Variants in CCDC102B observed in about 807,000 individuals in gnomAD.
CCDC102B encodes coiled-coil domain containing 102B, also known as coiled-coil domain-containing protein 102B.
CCDC102B carries 75 observed loss-of-function variants against 57.4 expected under a neutral mutation model. The ratio of observed to expected loss-of-function variants is 1.31; its 90% CI spans 1.08 to 1.58. The LOEUF is 1.58. CCDC102B is among the 40% of genes most tolerant of loss of function. The probability of loss-of-function intolerance (pLI) is 0.00; values close to 1 mark genes in which losing one functional copy is unlikely to be tolerated. For missense variants in CCDC102B, 636 were observed against 582.6 expected, an observed-to-expected ratio of 1.09 and a Z score of -0.94; for synonymous variants, 206 against 201.9, an observed-to-expected ratio of 1.02 and a Z score of -0.17.
At position 68,835,802 on chromosome 18, in the gene CCDC102B, C is replaced by T. The variant is rs561201530; in HGVS notation, c.-15-947C>T. Among the ~76,000 whole-genome samples, 6 of 152,276 alleles carry T rather than the reference C, an allele frequency of 3.9e-5. No individual in the cohort carries two copies. In the East Asian group the frequency reaches 1.2e-3, roughly 29 times the overall value. ...CTTCTTCCAGAACTATGTCCTTATT[C>T]AAACACACGGAAGGCAGAGGAAAGA... On this transcript the variant is annotated intron_variant, in intron 1 of 7. Transcript: ENST00000360242.
chr18:68,813,929 A>G (rs2036375710), intron 1 of CCDC102B, among the ~76,000 whole-genome samples: 1 of 152,040 alleles, frequency 6.6e-6, no homozygotes, highest in Admixed American at 6.5e-5. Context: ...AAAAATTTTT[A>G]TAAGTTAAAA....
At chr18:68,971,852 TATTATATCAATTGA>T (rs1012718567) in intron 6 of CCDC102B, among the ~76,000 whole-genome samples, 1 of 152,166 alleles carries the variant, frequency 6.6e-6, no homozygotes, top group Non-Finnish European at 1.5e-5. Context: ...TTAAAATACA[TATTATATCAATTGA>T]ATCTATCAGA....
chr18:68,907,508 C>T (rs1391182331), intron 6 of CCDC102B, among the ~76,000 whole-genome samples: 2 of 151,958 alleles, frequency 1.3e-5, no homozygotes, highest in Non-Finnish European at 2.9e-5. Context: ...AGTCTTTAAC[C>T]TCCTTGGTTG....
chr18:68,873,492 A>T (rs1368808540), intron 4 of CCDC102B, among the ~76,000 whole-genome samples: 1 of 152,152 alleles, frequency 6.6e-6, no homozygotes, highest in Non-Finnish European at 1.5e-5. Context: ...TTTGGCAAGA[A>T]CTTTCTTAAA....
At chr18:68,976,990 G>A (rs541143621) in intron 6 of CCDC102B, among the ~76,000 whole-genome samples, 113 of 151,972 alleles carry the variant, frequency 7.4e-4, no homozygotes, top group African/African-American at 2.6e-3. Context: ...TATGCATATC[G>A]TCTTTTAAAA....
intron 4 of CCDC102B, among the ~76,000 whole-genome samples, chr18:68,858,606 G>C (rs78898446): frequency 0.021 from 3,225 of 152,212 alleles, 55 homozygotes; most frequent in Middle Eastern, 0.034. Flanking sequence ...AAAAGTACTG[G>C]AGGATGTTAG....
chr18:68,928,311 G>A (rs2041548124), intron 6 of CCDC102B, among the ~76,000 whole-genome samples: 1 of 151,862 alleles, frequency 6.6e-6, no homozygotes, highest in Non-Finnish European at 1.5e-5. Flanking sequence ...AATCTTATGG[G>A]AAGGCAAAAG....
chr18:68,794,946 A>C (rs1301998324), upstream of CCDC102B, among the ~76,000 whole-genome samples: 5 of 151,784 alleles, frequency 3.3e-5, no homozygotes, highest in African/African-American at 9.7e-5. Context: ...AAGAGCCTTC[A>C]CATGAGAAAG....
chr18:68,838,364 G>T lies in CCDC102B; in HGVS notation c.607-342G>T, dbSNP rs1449503062. 3.1e-6 allele frequency: 3 copies of T among 962,828 alleles called. No individual in the cohort carries two copies. The African/African-American group carries it at 5.3e-5, about 17-fold the overall frequency. 59.6% of individuals were successfully genotyped at this position (962,828 alleles called of 1,614,324 possible). Reference sequence around the variant, plus strand: ...AAACTGTAAGTGTCTTATGACAAAAGAAACTTGAAAGAGGAATTCATCAAC... The same window carrying T: ...AAACTGTAAGTGTCTTATGACAAAATAAACTTGAAAGAGGAATTCATCAAC... On this transcript the variant is annotated intron_variant, in intron 2 of 7. Coordinates refer to ENST00000360242, the MANE Select transcript of CCDC102B (RefSeq NM_024781.3).
At chr18:68,826,354 G>A (rs969385405) in intron 1 of CCDC102B, among the ~76,000 whole-genome samples, 4 of 149,412 alleles carry the variant, frequency 2.7e-5, no homozygotes, top group African/African-American at 1.0e-4. Context: ...GTGGCCAGAA[G>A]CCTTCCTCAT....
At chr18:68,733,104 A>G (rs2032958361) in intron 2 of CCDC102B, among the ~76,000 whole-genome samples, 1 of 152,100 alleles carries the variant, frequency 6.6e-6, no homozygotes, top group South Asian at 2.1e-4. Context: ...TCTGAACTAA[A>G]ACAGCTCAGA....
chr18:68,835,988 AAC>A (rs1383498206), intron 1 of CCDC102B, among the ~76,000 whole-genome samples: 1 of 152,216 alleles, frequency 6.6e-6, no homozygotes, highest in African/African-American at 2.4e-5. Flanking sequence ...ACTATGATTC[AAC>A]CTCTGGGACT....
rs773010187 is a variant in CCDC102B at position 68,756,347 on chromosome 18, A to G, written c.-67+39753A>G. Among the ~76,000 whole-genome samples, 25 of 152,326 alleles carry G rather than the reference A, an allele frequency of 1.6e-4. No homozygotes were observed. In the Middle Eastern group the frequency reaches 0.01, roughly 62 times the overall value. On this transcript the variant is annotated intron_variant, in intron 2 of 3. Transcript: ENST00000578970. ...GATGGTTCTCTGAACTATTCTATCA[A>G]TACAAAAGAAAACACAGCAAATTGA...
At position 68,769,023 on chromosome 18, in the gene CCDC102B, G is replaced by A. The variant is rs2034553017; in HGVS notation, c.-67+52429G>A. On this transcript the variant is annotated intron_variant, in intron 2 of 3. Coordinates refer to the CCDC102B transcript ENST00000578970. ...AATCCCAGCACTTTGGGAGGCCGAG[G>A]CAGGTGGATCACCTGAGGTCAGGAG... Among the ~76,000 whole-genome samples, 5 of 152,086 alleles carry A rather than the reference G, an allele frequency of 3.3e-5. No homozygotes were observed. In the South Asian group the frequency reaches 1.0e-3, roughly 32 times the overall value.
intron 2 of CCDC102B, among the ~76,000 whole-genome samples, chr18:68,739,341 G>T (rs2033285651): frequency 6.6e-6 from 1 of 152,134 alleles, no homozygotes; most frequent in South Asian, 2.1e-4. Context: ...TTTCTAGCAG[G>T]CTCACTGTTT....
intron 2 of CCDC102B, among the ~76,000 whole-genome samples, chr18:68,787,041 T>C (rs1365687847): frequency 2.0e-5 from 3 of 150,402 alleles, no homozygotes; most frequent in Admixed American, 6.6e-5. Flanking sequence ...GCATGAAGGG[T>C]TGTTGAATTT....
At chr18:68,715,220 A>C (rs1019602791), upstream of CCDC102B, 82 of 1,357,732 alleles carry the variant, frequency 6.0e-5, no homozygotes, top group Middle Eastern at 5.6e-4. Flanking sequence ...TGTCTTAAGA[A>C]TCCTTTGCGC....
At chr18:68,845,985 T>C (rs998383409) in intron 3 of CCDC102B, among the ~76,000 whole-genome samples, 1 of 151,650 alleles carries the variant, frequency 6.6e-6, no homozygotes, top group South Asian at 2.1e-4. Flanking sequence ...TAGAAACATA[T>C]ATATCCTCCT....
At chr18:69,043,505 C>T (rs1396035206) in intron 7 of CCDC102B, among the ~76,000 whole-genome samples, 2 of 152,082 alleles carry the variant, frequency 1.3e-5, no homozygotes, top group African/African-American at 4.8e-5. Flanking sequence ...CTTTCCTAGG[C>T]AGAGGTCCCT....
Sources: gnomAD v4.1 joint callset for allele counts (sites outside exome capture counted in the v4.1 genomes callset) on GRCh38, gnomAD v4.1.1 for gene constraint, MANE v1.5 for transcripts, NCBI Gene and HGNC (gene_info 2026-07-23, HGNC 2026-07-21) for gene names.